The following PDGFC variants were observed in gnomAD, a reference collection of about 807,000 sequenced individuals.
The protein encoded by PDGFC is platelet derived growth factor C, also known as platelet-derived growth factor C.
In PDGFC, 12 loss-of-function variants were observed where a neutral mutation model predicts 35.5. The observed-to-expected ratio is 0.34, with a 90% CI of 0.22 to 0.55. The LOEUF (loss-of-function observed/expected upper bound fraction) is 0.55. PDGFC is among the 20% of genes least tolerant of loss of function. PDGFC has a pLI of 0.91. For missense variants in PDGFC, 322 were observed against 412.4 expected (o/e 0.78, Z 1.90); for synonymous variants, 159 against 148.8 (o/e 1.07, Z -0.50).
chr4:156,798,997 T>G (rs1021976524), intron 3 of PDGFC, among the ~76,000 whole-genome samples: 1 of 152,242 alleles, frequency 6.6e-6, no homozygotes, highest in African/African-American at 2.4e-5. Flanking sequence ...AATGCCTACC[T>G]CAGATTTTAT....
intron 1 of PDGFC, among the ~76,000 whole-genome samples, chr4:156,952,698 A>G (rs1333810775): frequency 6.6e-6 from 1 of 151,908 alleles, no homozygotes; most frequent in East Asian, 1.9e-4. Context: ...ATGGACTGCA[A>G]AAGCCAGTAA....
intron 1 of PDGFC, among the ~76,000 whole-genome samples, chr4:156,894,922 C>A (rs978751118): frequency 6.6e-6 from 1 of 152,076 alleles, no homozygotes; most frequent in East Asian, 1.9e-4. Flanking sequence ...TTTTCACAGC[C>A]CCTGGAAATG....
At chr4:156,873,112 G>C (rs1215428084) in intron 1 of PDGFC, among the ~76,000 whole-genome samples, 2 of 152,166 alleles carry the variant, frequency 1.3e-5, no homozygotes, top group African/African-American at 4.8e-5. Flanking sequence ...TACAGAGAAA[G>C]ACCCTGTCTC....
At chr4:156,945,389 AT>A (rs1183601283) in intron 1 of PDGFC, among the ~76,000 whole-genome samples, 7 of 121,952 alleles carry the variant, frequency 5.7e-5, no homozygotes, top group South Asian at 2.6e-4. Context: ...ATATATATAT[AT>A]AATCAGTAGG....
chr4:156,942,644 T>A (rs142532669), intron 1 of PDGFC, among the ~76,000 whole-genome samples: 1 of 149,810 alleles, frequency 6.7e-6, no homozygotes, highest in East Asian at 2.0e-4. Context: ...ACAAAAAAAA[T>A]ACTGCTACCA....
At chr4:156,822,235 T>G (rs758509149) in intron 2 of PDGFC, among the ~76,000 whole-genome samples, 13 of 151,362 alleles carry the variant, frequency 8.6e-5, no homozygotes, top group Non-Finnish European at 1.6e-4. Context: ...GGTGGGCGCC[T>G]GTAGTCCCAG....
At chr4:156,966,303 C>G (rs1732465129) in intron 1 of PDGFC, among the ~76,000 whole-genome samples, 1 of 152,168 alleles carries the variant, frequency 6.6e-6, no homozygotes, top group East Asian at 1.9e-4. Context: ...TAGAGTTACA[C>G]AGAGTTATAT....
chr4:156,800,904 C>T (rs528926610), intron 3 of PDGFC, among the ~76,000 whole-genome samples: 13 of 152,222 alleles, frequency 8.5e-5, no homozygotes, highest in African/African-American at 3.1e-4. Flanking sequence ...TTTAATACAC[C>T]TTTCCCCAAA....
intron 4 of PDGFC, chr4:156,770,262 G>A (rs1730658635): frequency 6.6e-6 from 1 of 151,802 alleles, no homozygotes; most frequent in Non-Finnish European, 1.5e-5. Flanking sequence ...GCAGTAGCAA[G>A]GTATGAATGA....
At chr4:156,774,320 T>C (rs1354302354) in intron 3 of PDGFC, 1 of 152,262 alleles carries the variant, frequency 6.6e-6, no homozygotes, top group African/African-American at 2.4e-5. Flanking sequence ...TCTGTCCCCA[T>C]ACCTGACATG....
chr4:156,908,979 C>T (rs1730980262), intron 1 of PDGFC, among the ~76,000 whole-genome samples: 1 of 152,178 alleles, frequency 6.6e-6, no homozygotes, highest in East Asian at 1.9e-4. Flanking sequence ...GGAGAAGTCA[C>T]AAAAGACCAC....
chr4:156,836,662 A>T (rs1729070519), intron 2 of PDGFC, among the ~76,000 whole-genome samples: 1 of 152,188 alleles, frequency 6.6e-6, no homozygotes, highest in South Asian at 2.1e-4. Context: ...CCTACATGAA[A>T]TTGGGAAGGA....
chr4:156,921,323 C>A (rs1579100814), intron 1 of PDGFC, among the ~76,000 whole-genome samples: 1 of 151,982 alleles, frequency 6.6e-6, no homozygotes, highest in South Asian at 2.1e-4. Context: ...GTATTCAGAA[C>A]AACAGATAAT....
At chr4:156,834,267 A>C (rs577104540) in intron 2 of PDGFC, among the ~76,000 whole-genome samples, 2 of 152,180 alleles carry the variant, frequency 1.3e-5, no homozygotes, top group Non-Finnish European at 2.9e-5. Context: ...AAACTATTAT[A>C]ATCACTTTTT....
At chr4:156,856,400 C>A (rs994189258) in intron 1 of PDGFC, among the ~76,000 whole-genome samples, 1 of 152,006 alleles carries the variant, frequency 6.6e-6, no homozygotes, top group East Asian at 1.9e-4. Flanking sequence ...AAAATAAAGT[C>A]CTGTCCTCTT....
intron 3 of PDGFC, among the ~76,000 whole-genome samples, chr4:156,788,364 G>A (rs72683333): frequency 0.049 from 7,511 of 152,188 alleles, 291 homozygotes; most frequent in Non-Finnish European, 0.082. Context: ...TTAAGAACTT[G>A]GCTAAGAGAG....
intron 1 of PDGFC, among the ~76,000 whole-genome samples, chr4:156,949,096 C>G (rs1445249361): frequency 2.0e-5 from 3 of 151,764 alleles, no homozygotes; most frequent in African/African-American, 7.3e-5. Context: ...GTGATTTCTT[C>G]AAGAAAAGAG....
At chr4:156,874,954 G>A (rs1730076706) in intron 1 of PDGFC, among the ~76,000 whole-genome samples, 1 of 152,024 alleles carries the variant, frequency 6.6e-6, no homozygotes, top group Non-Finnish European at 1.5e-5. Flanking sequence ...CTGAGCTCAA[G>A]CAATGTGCCC....
intron 2 of PDGFC, among the ~76,000 whole-genome samples, chr4:156,839,455 C>A (rs1433405949): frequency 6.6e-6 from 1 of 152,166 alleles, no homozygotes; most frequent in South Asian, 2.1e-4. Flanking sequence ...GAGTCCTCCC[C>A]AGCCCTGCTG....
Sources: allele counts gnomAD v4.1 joint callset (sites outside exome capture counted in the v4.1 genomes callset), GRCh38; gene constraint gnomAD v4.1.1; transcripts MANE v1.5; gene names NCBI Gene and HGNC (gene_info 2026-07-23, HGNC 2026-07-21).